Variants in NOL6 observed in about 807,000 individuals in gnomAD.
NOL6 encodes nucleolar protein 6.
In NOL6, 33 loss-of-function variants were observed where a neutral mutation model predicts 131.7. That is an observed-to-expected ratio of 0.25 (90% confidence interval 0.19 to 0.33). The LOEUF (loss-of-function observed/expected upper bound fraction) is 0.33. NOL6 is among the 10% of genes least tolerant of loss of function. The probability of loss-of-function intolerance (pLI) is 1.00; values close to 1 mark genes in which losing one functional copy is unlikely to be tolerated. For synonymous variants in NOL6, 580 were observed against 605.7 expected (o/e 0.96, Z 0.62); for missense variants, 1,297 against 1,494.5 (o/e 0.87, Z 2.18).
Position 33,473,905 on chromosome 9 carries a change from C to T in NOL6, c.-63G>A, listed in dbSNP as rs1459476133. On this transcript the variant is annotated 5_prime_UTR_variant, in exon 1 of 26. Transcript: ENST00000297990. ...AGCCGGGTCTATACCTCATAGCTTC[C>T]CACGTGGGCGGAAATGCCTAACTCC... The T allele has an allele frequency of 1.1e-5, 17 of 1,582,808 alleles. No individual in the cohort carries two copies. The highest frequency in any genetic ancestry group is 1.4e-5 in the Non-Finnish European group (16 of 1,164,004).
At chr9:33,463,596 A>C (rs1224193554) in intron 23 of NOL6, among the ~76,000 whole-genome samples, 155 bp from the exon 24 acceptor site, 24 of 152,018 alleles carry the variant, frequency 1.6e-4, no homozygotes, top group Admixed American at 1.6e-3. Context: ...CAAGACCCAC[A>C]GAGCAAACAG....
In NOL6 at chr9:33,465,718, G is replaced by A. The variant is rs377258999; in HGVS notation, c.2528+16C>T. ...GGGGGCCTACAGACAGGAAGAAGCT[G>A]TGTCAGTGGCCTTACCCGTGCAGGG... On this transcript the variant is annotated intron_variant, in intron 19 of 25. Transcript: ENST00000297990. 2 of 1,606,922 alleles carry A rather than the reference G, an allele frequency of 1.2e-6. No homozygotes were observed. The highest frequency in any genetic ancestry group is 1.7e-6 in the Non-Finnish European group (2 of 1,175,548).
chr9:33,463,579 G>A (rs1306066322), intron 23 of NOL6, 138 bp from the exon 24 acceptor site: 1 of 826,632 alleles, frequency 1.2e-6, no homozygotes, highest in African/African-American at 1.7e-5. Context: ...TTTGAAGACT[G>A]AAGCACCAAG....
At chr9:33,466,492 G>C (rs1450360016) in intron 16 of NOL6, 67 bp from the exon 17 acceptor site, 1 of 1,611,978 alleles carries the variant, frequency 6.2e-7, no homozygotes, top group Non-Finnish European at 8.5e-7. Flanking sequence ...TCAGGAGTTG[G>C]AAGTGGGGAA....
intron 20 of NOL6, 96 bp from the exon 21 acceptor site, chr9:33,465,072 C>G: frequency 7.0e-7 from 1 of 1,437,184 alleles, no homozygotes; most frequent in East Asian, 2.3e-5. Context: ...TGTGGATTGG[C>G]AGGGCAGGGC....
Position 33,467,082 on chromosome 9 carries a change from C to T in NOL6, c.1874+32G>A. The T allele has an allele frequency of 5.6e-6, 9 of 1,613,510 alleles. No homozygotes were observed. Among genetic ancestry groups the T allele is most frequent in the Non-Finnish European group, 6.8e-6 (8 of 1,179,422 alleles). The stretch of plus-strand genomic sequence containing the variant: ...CCCTGAAAAGGCTCCCCAGCCCACA[C>T]TGCCTTCTGGAATCCAGATGCCAAC... On this transcript the variant is annotated intron_variant, in intron 14 of 25. Transcript: ENST00000297990. This position sits in a 1 kb window ranked among gnomAD's most constrained non-coding sequence, Gnocchi z 4.4.
Position 33,469,096 on chromosome 9 carries a change from G to C in NOL6, c.888C>G (p.Arg296=). ...GDGSPEPPTP[R]YNTWVLQDTV... is the part of the protein sequence containing the mutation. ...TATCTTGCAGGACCCATGTGTTATAGCGGGGGGTAGGAGGCTCTGGGCTAC... is the reference window on the plus strand; with the variant it reads ...TATCTTGCAGGACCCATGTGTTATACCGGGGGGTAGGAGGCTCTGGGCTAC... Residue 296 remains arginine (R), a synonymous_variant, in exon 7 of 26, where the codon CGC becomes CGG. Transcript: ENST00000297990. The C allele has an allele frequency of 1.2e-6, 2 of 1,614,218 alleles. No individual in the cohort carries two copies. The highest frequency in any genetic ancestry group is 1.7e-6 in the Non-Finnish European group (2 of 1,180,038).
chr9:33,465,039 G>T, intron 20 of NOL6, 63 bp from the exon 21 acceptor site: 1 of 1,496,740 alleles, frequency 6.7e-7, no homozygotes, highest in Non-Finnish European at 9.3e-7. Context: ...CTTCTCTCAG[G>T]CTATGGAGCT....
At position 33,472,420 on chromosome 9, in the gene NOL6, C is replaced by A; in HGVS notation, c.55-8G>T. The A allele has an allele frequency of 6.2e-7, 1 of 1,611,516 alleles. No homozygotes were observed. Reference sequence around the variant, plus strand: ...CAGGGCTGGTTCCATCACCTGTGGCCAGTGAGGGAGAAGCCATTTTGAGGT... The same window carrying A: ...CAGGGCTGGTTCCATCACCTGTGGCAAGTGAGGGAGAAGCCATTTTGAGGT... On this transcript the variant is annotated splice_polypyrimidine_tract_variant and splice_region_variant and intron_variant, in intron 1 of 25. Transcript: ENST00000297990.
chr9:33,466,891 C>T (rs373640726), intron 15 of NOL6, 21 bp downstream of exon 15: 2 of 1,611,760 alleles, frequency 1.2e-6, no homozygotes, highest in Non-Finnish European at 8.5e-7. Flanking sequence ...CAATCACTAG[C>T]CTTGACCCCA....
Position 33,462,591 on chromosome 9 carries a change from G to A in NOL6, c.*73C>T, listed in dbSNP as rs1827127369. 3.9e-6 allele frequency: 6 copies of A among 1,541,778 alleles called. No homozygotes were observed. In the Admixed American group the frequency reaches 5.2e-5, roughly 13 times the overall value. The stretch of plus-strand genomic sequence containing the variant: ...GGATTCATGTCCAAGGAGGGTGGAG[G>A]TCATCCTACTGACATCTTGCTCTAG... On this transcript the variant is annotated 3_prime_UTR_variant, in exon 26 of 26. Coordinates refer to ENST00000297990, the MANE Select transcript of NOL6 (RefSeq NM_022917.5).
intron 3 of NOL6, among the ~76,000 whole-genome samples, chr9:33,471,188 G>A (rs559989551): frequency 3.7e-4 from 57 of 152,354 alleles, no homozygotes; most frequent in African/African-American, 1.2e-3. Context: ...GCTTGAACCC[G>A]AGAGGTGGAG....
chr9:33,466,165 A>G lies in NOL6; in HGVS notation c.2270T>C (p.Val757Ala). 6.2e-7 allele frequency: 1 copy of G among 1,613,140 alleles called. No homozygotes were observed. Among genetic ancestry groups the G allele is most frequent in the Non-Finnish European group, 8.5e-7 (1 of 1,179,738 alleles). ...CAGGCGCAGCTGGAAGGCAGCTCGG[A>G]CCCGCTGCACGGCCTCAGCGTCCTG... ...WPQDAEAVQR[V>A]RAAFQLRLAE... is the part of the protein sequence containing the mutation. The change falls in exon 18 of 26, where the codon GTC (valine) becomes GCC (alanine). Residue 757 changes from valine to alanine, a missense_variant. Transcript: ENST00000297990.
intron 3 of NOL6, among the ~76,000 whole-genome samples, chr9:33,470,987 T>C (rs950727062): frequency 2.6e-5 from 4 of 152,062 alleles, no homozygotes; most frequent in African/African-American, 9.7e-5. Context: ...AAGTGAACGT[T>C]TTAGGCTGGG....
Position 33,470,205 on chromosome 9 carries a change from G to A in NOL6, c.379-14C>T. 1 of 1,555,874 alleles carries A rather than the reference G, an allele frequency of 6.4e-7. No individual in the cohort carries two copies. Among genetic ancestry groups the A allele is most frequent in the East Asian group, 2.3e-5 (1 of 43,486 alleles). The stretch of plus-strand genomic sequence containing the variant: ...CTGGTCAGTGAGCTGTGGGGGCAGA[G>A]ACAGGGACACATACTGATTCAACTG... On this transcript the variant is annotated splice_polypyrimidine_tract_variant and intron_variant, in intron 3 of 25. Coordinates refer to ENST00000297990, the MANE Select transcript of NOL6 (RefSeq NM_022917.5).
chr9:33,473,714 G>A, intron 1 of NOL6, 75 bp downstream of exon 1: 1 of 1,551,934 alleles, frequency 6.4e-7, no homozygotes, highest in Non-Finnish European at 8.8e-7. Flanking sequence ...CAAGCTGTCA[G>A]ATCACGCCAT....
intron 23 of NOL6, 104 bp downstream of exon 23, chr9:33,463,727 C>A: frequency 8.0e-7 from 1 of 1,254,386 alleles, no homozygotes; most frequent in Non-Finnish European, 1.1e-6. Context: ...TCTGTTCAGT[C>A]TCACCAAACA....
chr9:33,468,121 T>G lies in NOL6; in HGVS notation c.1333A>C (p.Met445Leu), dbSNP rs772208507. The part of the protein sequence containing the change: ...HQVQHEARLS[M>L]MLLDSRADDG... ...TCAGCTCTGCTGTCCAGCAACATCA[T>G]AGACAGCCGTGCCTCATGCTGTACC... Residue 445 changes from methionine to leucine, a missense_variant, in exon 11 of 26, where the codon ATG (methionine) becomes CTG (leucine). Met to Leu is a conservative substitution (Grantham distance 15). Transcript: ENST00000297990. The G allele has an allele frequency of 3.1e-6, 5 of 1,614,098 alleles. No homozygotes were observed. The East Asian group carries it at 1.1e-4, about 36-fold the overall frequency.
Position 33,462,243 on chromosome 9 carries a change from G to C in NOL6, c.*421C>G. 1.4e-6 allele frequency: 1 copy of C among 716,744 alleles called. No homozygotes were observed. The highest frequency in any genetic ancestry group is 2.6e-6 in the Non-Finnish European group (1 of 385,068). The allele number at this position is 716,744 out of a possible 1,614,324, so 44.4% of individuals were successfully genotyped here. On this transcript the variant is annotated 3_prime_UTR_variant, in exon 26 of 26. Transcript: ENST00000297990. ...GGCCTGACACTGCAGTGAAGGGCAT[G>C]CTAAGTCTAGGCACAGGTCCTGGCA...
Sources: allele counts gnomAD v4.1 joint callset (sites outside exome capture counted in the v4.1 genomes callset), GRCh38; gene constraint gnomAD v4.1.1; non-coding constraint Gnocchi (gnomAD v3.1); transcripts MANE v1.5; gene names NCBI Gene and HGNC (gene_info 2026-07-23, HGNC 2026-07-21).